PAK1: variants seen among roughly 807,000 people sequenced by gnomAD.
PAK1 encodes p21 (RAC1) activated kinase 1.
Under a neutral mutation model 67.4 loss-of-function variants are expected in PAK1, and 29 were observed. The ratio of observed to expected loss-of-function variants is 0.43; its 90% CI spans 0.32 to 0.59. The LOEUF (loss-of-function observed/expected upper bound fraction) is 0.59, where lower values mean the gene tolerates loss of function less well. Ranked by LOEUF, PAK1 falls within the 20% of genes least tolerant of loss-of-function variation. The probability of loss-of-function intolerance (pLI) is 0.07; values close to 1 mark genes in which losing one functional copy is unlikely to be tolerated. For missense variants in PAK1, 337 were observed against 670.7 expected, an observed-to-expected ratio of 0.50 and a Z score of 5.50; for synonymous variants, 223 against 237.4, an observed-to-expected ratio of 0.94 and a Z score of 0.56.
At chr11:77,517,227 T>C in the PAK1 span, among the ~76,000 whole-genome samples, 4 of 152,140 alleles carry the variant, frequency 2.6e-5, no homozygotes, top group African/African-American at 9.7e-5. Flanking sequence ...CCAGCCACTT[T>C]AGCACTCAGT....
chr11:77,505,385 A>T, the PAK1 span, among the ~76,000 whole-genome samples: 2 of 152,158 alleles, frequency 1.3e-5, no homozygotes, highest in African/African-American at 4.8e-5. Context: ...ACAAGATTTC[A>T]TCATATTGGC....
chr11:77,382,380 C>T (rs773950701), intron 2 of PAK1, among the ~76,000 whole-genome samples: 14 of 152,278 alleles, frequency 9.2e-5, no homozygotes, highest in Non-Finnish European at 1.9e-4. Context: ...CCACCTCCAA[C>T]TTTTTGCTTG....
intron 5 of PAK1, among the ~76,000 whole-genome samples, chr11:77,363,541 T>G (rs1270154738): frequency 1.3e-5 from 2 of 152,258 alleles, no homozygotes; most frequent in African/African-American, 4.8e-5. Context: ...TCATAACCAC[T>G]GCTTTCACTT....
intron 7 of PAK1, 69 bp from the exon 8 acceptor site, chr11:77,353,668 C>T (rs1304965341): frequency 3.3e-6 from 4 of 1,223,610 alleles, no homozygotes; most frequent in African/African-American, 1.5e-5. Context: ...TCCACATTTC[C>T]CCAACCCCTG....
chr11:77,369,573 A>C (rs1948136452), intron 5 of PAK1, among the ~76,000 whole-genome samples: 1 of 148,848 alleles, frequency 6.7e-6, no homozygotes, highest in Admixed American at 6.9e-5. Flanking sequence ...TCAGCCTCCC[A>C]AGTAGCTGGG....
chr11:77,390,593 C>T (rs1951005147), intron 2 of PAK1, among the ~76,000 whole-genome samples: 1 of 151,130 alleles, frequency 6.6e-6, no homozygotes, highest in Non-Finnish European at 1.5e-5. Context: ...AATTCCCAGG[C>T]TCAAGCAATC....
chr11:77,402,232 C>A (rs960480916), intron 1 of PAK1, among the ~76,000 whole-genome samples: 6 of 152,062 alleles, frequency 3.9e-5, no homozygotes, highest in Non-Finnish European at 5.9e-5. Flanking sequence ...TGGGAGGCTT[C>A]CTACAATTAG....
the PAK1 span, among the ~76,000 whole-genome samples, chr11:77,492,825 T>C: frequency 2.6e-5 from 4 of 152,218 alleles, no homozygotes; most frequent in Admixed American, 1.3e-4. Flanking sequence ...AAGATCTGAT[T>C]GTTTAAAAGT....
the PAK1 span, among the ~76,000 whole-genome samples, chr11:77,490,014 TC>T: frequency 8.5e-5 from 12 of 140,684 alleles, no homozygotes; most frequent in South Asian, 2.5e-3. Context: ...GAACGCCTCT[TC>T]CCGGCCGCCA....
chr11:77,423,812 T>C (rs1225294753), intron 1 of PAK1, among the ~76,000 whole-genome samples: 1 of 152,226 alleles, frequency 6.6e-6, no homozygotes, highest in East Asian at 1.9e-4. Flanking sequence ...TGTGTGTAGC[T>C]ATGTTTCAAC....
At chr11:77,503,955 G>A in the PAK1 span, among the ~76,000 whole-genome samples, 8 of 152,232 alleles carry the variant, frequency 5.3e-5, no homozygotes, top group Non-Finnish European at 1.2e-4. Context: ...GCAGTGGCGC[G>A]ATCTCAACTC....
Position 77,349,249 on chromosome 11 carries a change from G to A in PAK1, c.875C>T (p.Thr292Ile). 1 of 1,598,090 alleles carries A rather than the reference G, an allele frequency of 6.3e-7. No homozygotes were observed. Among genetic ancestry groups the A allele is most frequent in the Non-Finnish European group, 8.5e-7 (1 of 1,171,210 alleles). Residue 292 changes from threonine (T) to isoleucine (I), a missense_variant, in exon 9 of 15, where the codon ACA (threonine) becomes ATA (isoleucine). Physicochemically the swap from Thr to Ile is moderately conservative, Grantham distance 89. Coordinates refer to ENST00000356341, the MANE Select transcript of PAK1 (RefSeq NM_002576.5). ...GTGGTGGATACTCACCTCCTGTCCT[G>A]TGGCCACATCCATTGCTGTGTACAC... ...GTVYTAMDVA[T>I]GQEVAIKQMN...
At chr11:77,489,295 T>C in the PAK1 span, among the ~76,000 whole-genome samples, 2 of 152,218 alleles carry the variant, frequency 1.3e-5, no homozygotes, top group Non-Finnish European at 2.9e-5. Context: ...ACTTGTCTTG[T>C]AAGAAATGCT....
At chr11:77,521,707 G>T in the PAK1 span, among the ~76,000 whole-genome samples, 1 of 152,172 alleles carries the variant, frequency 6.6e-6, no homozygotes, top group Non-Finnish European at 1.5e-5. Context: ...GGGTGCATGG[G>T]GCTTGGCTTG....
At chr11:77,390,393 G>T (rs1950978314) in intron 2 of PAK1, among the ~76,000 whole-genome samples, 1 of 152,050 alleles carries the variant, frequency 6.6e-6, no homozygotes. Flanking sequence ...TAGAGATGGG[G>T]TTTCACCATG....
At chr11:77,377,671 T>C (rs1949277075) in intron 4 of PAK1, among the ~76,000 whole-genome samples, 1 of 152,218 alleles carries the variant, frequency 6.6e-6, no homozygotes, top group South Asian at 2.1e-4. Flanking sequence ...CACAGGGCTA[T>C]GTCTCTGTTT....
At chr11:77,501,027 T>C in the PAK1 span, among the ~76,000 whole-genome samples, 1 of 151,840 alleles carries the variant, frequency 6.6e-6, no homozygotes, top group South Asian at 2.1e-4. Context: ...GGCAGGCGCC[T>C]GTAGTCCCAG....
At chr11:77,507,764 A>C in the PAK1 span, among the ~76,000 whole-genome samples, 2 of 152,084 alleles carry the variant, frequency 1.3e-5, no homozygotes, top group Admixed American at 1.3e-4. Context: ...GGCCTCAAGC[A>C]ATCCTCTCAC....
At chr11:77,346,586 A>C (rs1335028073) in intron 9 of PAK1, among the ~76,000 whole-genome samples, 4 of 152,234 alleles carry the variant, frequency 2.6e-5, no homozygotes, top group Non-Finnish European at 5.9e-5. Flanking sequence ...TAAGCAATAA[A>C]TTTAGACAAT....
Sources: gnomAD v4.1 joint callset for allele counts (sites outside exome capture counted in the v4.1 genomes callset) on GRCh38, gnomAD v4.1.1 for gene constraint, MANE v1.5 for transcripts, NCBI Gene and HGNC (gene_info 2026-07-23, HGNC 2026-07-21) for gene names.